The following SVIL variants were observed in gnomAD, a reference collection of about 807,000 sequenced individuals.
SVIL encodes supervillin.
In SVIL, 101 loss-of-function variants were observed where a neutral mutation model predicts 240.4. The observed-to-expected ratio is 0.42, with a 90% CI of 0.36 to 0.50. SVIL has a LOEUF of 0.50. SVIL is among the 20% of genes least tolerant of loss of function. The pLI, the probability that SVIL is intolerant of heterozygous loss-of-function variation, is 0.01. For synonymous variants in SVIL, 999 were observed against 1,100.0 expected (o/e 0.91, Z 1.82); for missense variants, 2,512 against 2,818.7 (o/e 0.89, Z 2.46).
At chr10:29,671,420 A>G (rs1959766835) in intron 2 of SVIL, among the ~76,000 whole-genome samples, 1 of 152,224 alleles carries the variant, frequency 6.6e-6, no homozygotes, top group African/African-American at 2.4e-5. Context: ...CCGTTCTTAA[A>G]AGAAAATTCG....
At chr10:29,595,033 G>T (rs935701314) in intron 1 of SVIL, among the ~76,000 whole-genome samples, 1 of 152,222 alleles carries the variant, frequency 6.6e-6, no homozygotes, top group African/African-American at 2.4e-5. Context: ...TTACACTCCT[G>T]TTTCCTCTCC....
intron 34 of SVIL, among the ~76,000 whole-genome samples, chr10:29,465,077 C>T (rs538605207): frequency 2.6e-5 from 4 of 152,316 alleles, no homozygotes; most frequent in East Asian, 3.9e-4. Context: ...GCAGCTGGGG[C>T]TGGCCATGTG....
intron 21 of SVIL, among the ~76,000 whole-genome samples, chr10:29,492,635 C>G (rs780024496): frequency 2.0e-5 from 3 of 152,128 alleles, no homozygotes; most frequent in Non-Finnish European, 2.9e-5. Flanking sequence ...TTGAAATTGA[C>G]GGACTCCTAA....
intron 1 of SVIL, among the ~76,000 whole-genome samples, chr10:29,588,461 T>C (rs34858893): frequency 0.21 from 32,158 of 152,102 alleles, 3,768 homozygotes; most frequent in Non-Finnish European, 0.25. Context: ...ATTCATTCTC[T>C]GCTTCTCTGG....
chr10:29,692,011 G>A (rs1961548024), intron 1 of SVIL, among the ~76,000 whole-genome samples: 1 of 152,182 alleles, frequency 6.6e-6, no homozygotes, highest in Non-Finnish European at 1.5e-5. Context: ...ACAGGAAACA[G>A]GGGAATCCCT....
upstream of SVIL, among the ~76,000 whole-genome samples, chr10:29,637,402 G>C (rs546568068): frequency 6.6e-6 from 1 of 152,088 alleles, no homozygotes; most frequent in African/African-American, 2.4e-5. Flanking sequence ...CAGGAGCATC[G>C]CTTGAACCCA....
At chr10:29,591,699 C>T (rs954040975) in intron 1 of SVIL, among the ~76,000 whole-genome samples, 8 of 152,336 alleles carry the variant, frequency 5.3e-5, no homozygotes, top group African/African-American at 1.9e-4. Flanking sequence ...TACGTGAGTC[C>T]TTCCAGCACA....
rs139473567 is a variant in SVIL at position 29,484,542 on chromosome 10, G to A, written c.4955+114C>T. The A allele has an allele frequency of 7.2e-3, 6,271 of 867,946 alleles. 244 individuals are homozygous for A. The African/African-American group carries it at 0.089, about 12-fold the overall frequency. The allele number at this position is 867,946 out of a possible 1,614,324, so 53.8% of individuals were successfully genotyped here. On this transcript the variant is annotated intron_variant, in intron 27 of 37. Coordinates refer to ENST00000355867, the MANE Select transcript of SVIL (RefSeq NM_021738.3). This position sits in a 1 kb window ranked among gnomAD's most constrained non-coding sequence, Gnocchi z 4.7. Reference sequence around the variant, plus strand: ...TATTCACAGTCCACTGCATATAATCGTTTATGAAAACTGAACCCTATAAAG... The same window carrying A: ...TATTCACAGTCCACTGCATATAATCATTTATGAAAACTGAACCCTATAAAG...
In SVIL at chr10:29,493,380, G is replaced by C. The variant is rs774078310; in HGVS notation, c.3853C>G (p.His1285Asp). The C allele has an allele frequency of 6.2e-7, 1 of 1,614,052 alleles. No homozygotes were observed. Among genetic ancestry groups the C allele is most frequent in the East Asian group, 2.2e-5 (1 of 44,864 alleles). ...RRLNNKVGGM[H>D]ETVLTVTGKS... ...CCGGTGACAGTGAGCACCGTTTCGT[G>C]CATCCCGCCAACTATCAACAAACAA... Residue 1285 changes from histidine to aspartate, a missense_variant, in exon 21 of 38, where the codon CAC becomes GAC. Transcript: ENST00000355867.
chr10:29,523,563 T>C lies in SVIL; in HGVS notation c.3051A>G (p.Glu1017=), dbSNP rs767725298. 1.7e-5 allele frequency: 27 copies of C among 1,614,068 alleles called. No homozygotes were observed. Among genetic ancestry groups the C allele is most frequent in the Middle Eastern group, 1.6e-4 (1 of 6,084 alleles). The change falls in exon 15 of 38, where the codon GAA becomes GAG. Residue 1017 remains glutamate (E), a synonymous_variant. Transcript: ENST00000355867. ...GTGCATTCATTTTAGCCATGGAAAA[T>C]TCCTTCGGTTCATCCCCGAGGTGGG... ...PITHLGDEPK[E]FSMAKMNAQG... is the part of the protein sequence containing the mutation.
At position 29,532,006 on chromosome 10, in the gene SVIL, C is replaced by G; in HGVS notation, c.2005G>C (p.Asp669His). The stretch of plus-strand genomic sequence containing the variant: ...ACTGCGCATACGCATGCCTACCTAT[C>G]CGATTCCTTTCGTTCTGCTGAAGTT... ...PITSAERKES[D>H]RCTSHSETPT... The change falls in exon 9 of 38, where the codon GAT (aspartate) becomes CAT (histidine). Residue 669 changes from aspartate (D) to histidine (H), a missense_variant. By Grantham distance (81) the Asp-to-His change is moderately conservative (BLOSUM62 -1). Transcript: ENST00000355867. 6.2e-7 allele frequency: 1 copy of G among 1,614,174 alleles called. No homozygotes were observed. Among genetic ancestry groups the G allele is most frequent in the Middle Eastern group, 1.6e-4 (1 of 6,062 alleles).
intron 1 of SVIL, among the ~76,000 whole-genome samples, chr10:29,585,660 T>TAC (rs3030552): frequency 0.16 from 23,661 of 151,472 alleles, 1,989 homozygotes; most frequent in East Asian, 0.21. Flanking sequence ...GTGCTAAAAA[T>TAC]ACACACACAC....
At chr10:29,558,930 A>AATAT (rs72228268) in intron 3 of SVIL, among the ~76,000 whole-genome samples, 59 of 146,122 alleles carry the variant, frequency 4.0e-4, no homozygotes, top group South Asian at 6.5e-4. Context: ...TCTGCCTCGA[A>AATAT]ATATATATAT....
intron 12 of SVIL, among the ~76,000 whole-genome samples, chr10:29,527,880 C>A (rs185133481): frequency 6.6e-6 from 1 of 151,974 alleles, no homozygotes; most frequent in African/African-American, 2.4e-5. Context: ...CGTGCGCCAC[C>A]ATGCCTGGCC....
chr10:29,465,634 G>A lies in SVIL; in HGVS notation c.6094C>T (p.Pro2032Ser). 6.2e-7 allele frequency: 1 copy of A among 1,613,966 alleles called. No homozygotes were observed. Residue 2032 changes from proline to serine, a missense_variant, in exon 34 of 38, where the codon CCC (proline) becomes TCC (serine). Physicochemically the swap from Pro to Ser is moderately conservative, Grantham distance 74 (BLOSUM62 -1). Transcript: ENST00000355867. ...CTGTACAGATCTTCCTGCAGGAAGG[G>A]CATGGAACTGACCACAGAGGGGGCT... is the stretch of plus-strand genomic sequence containing the variant. ...ARAPSVVSSMPFLQEDLYSAP... is the reference protein window; with the variant it reads ...ARAPSVVSSMSFLQEDLYSAP...
At chr10:29,622,652 G>A (rs1014793952) in intron 1 of SVIL, among the ~76,000 whole-genome samples, 2 of 152,076 alleles carry the variant, frequency 1.3e-5, no homozygotes, top group African/African-American at 4.8e-5. Flanking sequence ...TAAACACGTC[G>A]AAAGCAAAAA....
chr10:29,488,647 G>A lies in SVIL; in HGVS notation c.4302C>T (p.Asn1434=), dbSNP rs867584549. The part of the protein sequence containing the change: ...RSVNLTEQNS[N]NSAVPYKRLM... ...GCCTCTTGTAGGGCACGGCGCTGTT[G>A]TTAGAGTTCTGTTCCGTCAGGTTGA... The change falls in exon 23 of 38, where the codon AAC becomes AAT. Residue 1434 remains asparagine, a synonymous_variant. Coordinates refer to ENST00000355867, the MANE Select transcript of SVIL (RefSeq NM_021738.3). The A allele has an allele frequency of 2.5e-6, 4 of 1,612,780 alleles. No homozygotes were observed. The highest frequency in any genetic ancestry group is 1.3e-5 in the African/African-American group (1 of 75,006).
At chr10:29,719,791 TA>T (rs138578379) in intron 1 of SVIL, among the ~76,000 whole-genome samples, 1 of 151,762 alleles carries the variant, frequency 6.6e-6, no homozygotes, top group Non-Finnish European at 1.5e-5. Flanking sequence ...AAAGAAAGTT[TA>T]AAAAAAATGA....
At position 29,522,559 on chromosome 10, in the gene SVIL, G is replaced by C. The variant is rs1188750319; in HGVS notation, c.3240C>G (p.Pro1080=). The change falls in exon 16 of 38, where the codon CCC becomes CCG. Residue 1080 remains proline (P), a synonymous_variant. Transcript: ENST00000355867. The part of the protein sequence containing the change: ...AGKTIAQTTA[P]VSWKPQDSSE... ...AAGAATCCTGGGGCTTCCAGGACAC[G>C]GGGGCTGTGGTTTGAGCAATAGTTT... is the stretch of plus-strand genomic sequence containing the variant. 4 of 1,614,052 alleles carry C rather than the reference G, an allele frequency of 2.5e-6. No homozygotes were observed. The highest frequency in any genetic ancestry group is 3.4e-6 in the Non-Finnish European group (4 of 1,180,042).
Sources: gnomAD v4.1 joint callset for allele counts (sites outside exome capture counted in the v4.1 genomes callset) on GRCh38, gnomAD v4.1.1 for gene constraint, Gnocchi (gnomAD v3.1) non-coding constraint, MANE v1.5 for transcripts, NCBI Gene and HGNC (gene_info 2026-07-23, HGNC 2026-07-21) for gene names.